GPC5: variants seen among roughly 807,000 people sequenced by gnomAD.
GPC5 encodes glypican 5, also known as glypican-5.
Under a neutral mutation model 53.9 loss-of-function variants are expected in GPC5, and 47 were observed. The observed-to-expected ratio is 0.87, with a 90% CI of 0.69 to 1.11. The LOEUF is 1.11. Among genes scored for constraint, GPC5 ranks in the 50% most tolerant of loss-of-function variants. GPC5 has a pLI of 0.00. For synonymous variants in GPC5, 286 were observed against 263.3 expected (o/e 1.09, Z -0.84); for missense variants, 748 against 713.1 (o/e 1.05, Z -0.56).
intron 7 of GPC5, among the ~76,000 whole-genome samples, chr13:92,704,840 CTCTT>C (rs1323025556): frequency 9.1e-6 from 1 of 109,688 alleles, no homozygotes; most frequent in Non-Finnish European, 1.9e-5. Flanking sequence ...TACACACACA[CTCTT>C]AGTGTGTAAA....
At position 92,255,095 on chromosome 13, in the gene GPC5, C is replaced by T. The variant is rs189585534; in HGVS notation, c.1561+110106C>T. 3.4e-3 allele frequency among the ~76,000 whole-genome samples: 510 copies of T among 152,228 alleles called. 5 individuals are homozygous for T. Among genetic ancestry groups the T allele is most frequent in the African/African-American group, 0.012 (479 of 41,530 alleles). ...AATTTAAAGTATACAGGAGGAGATG[C>T]ATAAGTTGTATGCAAATACTACACT... On this transcript the variant is annotated intron_variant, in intron 7 of 7. Coordinates refer to ENST00000377067, the MANE Select transcript of GPC5 (RefSeq NM_004466.6).
At chr13:91,670,561 A>G (rs935973601) in intron 2 of GPC5, among the ~76,000 whole-genome samples, 1 of 152,204 alleles carries the variant, frequency 6.6e-6, no homozygotes, top group African/African-American at 2.4e-5. Context: ...ATTCTTTCTA[A>G]TAAAGAAAAT....
chr13:92,294,217 G>C (rs965031716), intron 7 of GPC5, among the ~76,000 whole-genome samples: 2 of 152,050 alleles, frequency 1.3e-5, no homozygotes, highest in African/African-American at 4.8e-5. Flanking sequence ...AGAATGATTT[G>C]GGGAGGGGTC....
chr13:92,486,541 AGT>A (rs1346901535), intron 7 of GPC5, among the ~76,000 whole-genome samples: 1 of 152,194 alleles, frequency 6.6e-6, no homozygotes, highest in Non-Finnish European at 1.5e-5. Context: ...GGAACTGGAA[AGT>A]GGGGTAAATT....
chr13:92,461,219 G>A (rs1204762546), intron 7 of GPC5, among the ~76,000 whole-genome samples: 1 of 152,084 alleles, frequency 6.6e-6, no homozygotes, highest in Non-Finnish European at 1.5e-5. Context: ...GATAATGAGA[G>A]GATTTTTGAG....
At chr13:92,141,912 A>G (rs1228823399) in intron 6 of GPC5, among the ~76,000 whole-genome samples, 1 of 152,134 alleles carries the variant, frequency 6.6e-6, no homozygotes, top group East Asian at 1.9e-4. Flanking sequence ...GTTCCTTGCC[A>G]TAGGACCTTT....
Position 92,281,763 on chromosome 13 carries a change from C to T in GPC5, c.1561+136774C>T, listed in dbSNP as rs932983009. On this transcript the variant is annotated intron_variant, in intron 7 of 7. Transcript: ENST00000377067. ...CCCATCTGTACATCAACATCAGCAA[C>T]GACCAAAGGTAGATAAAACCGCAAA... is the stretch of plus-strand genomic sequence containing the variant. 1.2e-4 allele frequency among the ~76,000 whole-genome samples: 19 copies of T among 152,058 alleles called. 1 individual carries two copies. Among genetic ancestry groups the T allele is most frequent in the Middle Eastern group, 6.3e-3 (2 of 316 alleles).
At chr13:92,602,231 AACAT>A (rs548815268) in intron 7 of GPC5, among the ~76,000 whole-genome samples, 1 of 4,968 alleles carries the variant, frequency 2.0e-4, no homozygotes, top group Non-Finnish European at 1.6e-3. Context: ...ATATATATAT[AACAT>A]ATATATATAT....
intron 7 of GPC5, among the ~76,000 whole-genome samples, chr13:92,367,517 T>C (rs921970608): frequency 3.3e-5 from 5 of 152,204 alleles, no homozygotes; most frequent in Non-Finnish European, 7.3e-5. Flanking sequence ...TGTTTCATAT[T>C]AGTGATGTAA....
chr13:91,728,764 A>T, intron 4 of GPC5, 99 bp downstream of exon 4: 1 of 1,111,670 alleles, frequency 9.0e-7, no homozygotes, highest in Non-Finnish European at 1.2e-6. Context: ...AAAATTCAAT[A>T]TGGACAAAAA....
intron 7 of GPC5, among the ~76,000 whole-genome samples, chr13:92,861,512 T>C (rs1313695312): frequency 6.6e-6 from 1 of 152,166 alleles, no homozygotes; most frequent in Non-Finnish European, 1.5e-5. Context: ...CCCTTTTTCT[T>C]ATTATTGTAA....
intron 6 of GPC5, among the ~76,000 whole-genome samples, chr13:92,112,742 G>A (rs1594768072): frequency 6.6e-6 from 1 of 152,090 alleles, no homozygotes; most frequent in East Asian, 1.9e-4. Flanking sequence ...ATGTACAAGT[G>A]TGTGTGTATA....
At chr13:92,390,705 T>C (rs998378315) in intron 7 of GPC5, among the ~76,000 whole-genome samples, 8 of 152,140 alleles carry the variant, frequency 5.3e-5, no homozygotes, top group African/African-American at 1.9e-4. Context: ...TTTTAATGCG[T>C]ATGTATGTGT....
At chr13:91,453,261 G>A (rs562494286) in intron 2 of GPC5, among the ~76,000 whole-genome samples, 1 of 151,904 alleles carries the variant, frequency 6.6e-6, no homozygotes, top group South Asian at 2.1e-4. Context: ...TAAAAAGCAG[G>A]TGAATTGAGA....
At chr13:92,644,165 G>C (rs1421125113) in intron 7 of GPC5, among the ~76,000 whole-genome samples, 1 of 152,098 alleles carries the variant, frequency 6.6e-6, no homozygotes. Context: ...TAGTGTTTAA[G>C]AAGAAGGATT....
intron 2 of GPC5, among the ~76,000 whole-genome samples, chr13:91,651,262 T>G (rs16946404): frequency 1.3e-5 from 2 of 152,000 alleles, no homozygotes; most frequent in Non-Finnish European, 2.9e-5. Context: ...GCACATGAGG[T>G]CTACTCACAT....
chr13:92,628,261 TTTC>T, intron 7 of GPC5, among the ~76,000 whole-genome samples: 7 of 120,284 alleles, frequency 5.8e-5, no homozygotes, highest in Non-Finnish European at 8.3e-5. Context: ...TTTCTTTTTC[TTTC>T]TTTTTTTTTT....
chr13:91,655,535 T>C lies in GPC5; in HGVS notation c.326-37652T>C, dbSNP rs569409454. Among the ~76,000 whole-genome samples the C allele has an allele frequency of 1.8e-3, 275 of 152,176 alleles. 2 individuals are homozygous for C. The highest frequency in any genetic ancestry group is 6.2e-3 in the African/African-American group (256 of 41,550). On this transcript the variant is annotated intron_variant, in intron 2 of 7. Coordinates refer to ENST00000377067, the MANE Select transcript of GPC5 (RefSeq NM_004466.6). ...AAAGGCATTTAATCATATATAATCA[T>C]ATATCTCAAAAGATATTTAAAAATT...
At chr13:91,781,109 C>T (rs754056092) in intron 5 of GPC5, among the ~76,000 whole-genome samples, 1 of 152,154 alleles carries the variant, frequency 6.6e-6, no homozygotes, top group Non-Finnish European at 1.5e-5. Context: ...AGCTGAGGTG[C>T]TTGTGCACAA....
Sources: gnomAD v4.1 joint callset for allele counts (sites outside exome capture counted in the v4.1 genomes callset) on GRCh38, gnomAD v4.1.1 for gene constraint, MANE v1.5 for transcripts, NCBI Gene and HGNC (gene_info 2026-07-23, HGNC 2026-07-21) for gene names.